NCOA2: variants seen among roughly 807,000 people sequenced by gnomAD.
The protein encoded by NCOA2 is class E basic helix-loop-helix protein 75.
NCOA2 carries 21 observed loss-of-function variants against 145.1 expected under a neutral mutation model. The observed-to-expected ratio is 0.14, with a 90% CI of 0.10 to 0.21. The LOEUF is 0.21. Among genes scored for constraint, NCOA2 ranks in the 10% least tolerant of loss-of-function variants. The pLI is 1.00. For synonymous variants in NCOA2, 619 were observed against 637.5 expected, an observed-to-expected ratio of 0.97 and a Z score of 0.44; for missense variants, 1,472 against 1,837.6, an observed-to-expected ratio of 0.80 and a Z score of 3.64.
Position 70,141,431 on chromosome 8 carries a change from C to T in NCOA2, c.2813-32G>A, listed in dbSNP as rs775462197. ...GCAAGCCAAAGAAAACTGAGAGATG[C>T]AGTAACTGAAAACATATTTAGCATG... On this transcript the variant is annotated intron_variant, in intron 13 of 22. Coordinates refer to ENST00000452400, the MANE Select transcript of NCOA2 (RefSeq NM_006540.4). 1.9e-6 allele frequency: 3 copies of T among 1,576,784 alleles called. No homozygotes were observed. The South Asian group carries it at 3.4e-5, about 18-fold the overall frequency.
the NCOA2 span, among the ~76,000 whole-genome samples, chr8:70,427,435 C>A: frequency 6.6e-6 from 1 of 152,074 alleles, no homozygotes; most frequent in African/African-American, 2.4e-5. Context: ...AAGTGTAACA[C>A]CTTTTCATTT....
the NCOA2 span, among the ~76,000 whole-genome samples, chr8:70,419,619 A>G: frequency 2.7e-5 from 4 of 150,912 alleles, no homozygotes; most frequent in African/African-American, 4.9e-5. Context: ...GTCTGTTTTA[A>G]TGTCCCTTTC....
At chr8:70,410,702 G>A in the NCOA2 span, among the ~76,000 whole-genome samples, 35 of 152,236 alleles carry the variant, frequency 2.3e-4, no homozygotes, top group Non-Finnish European at 3.8e-4. Context: ...TGGTATATTC[G>A]TACAATGGAA....
intron 2 of NCOA2, among the ~76,000 whole-genome samples, chr8:70,268,969 C>G (rs2135245987): frequency 6.6e-6 from 1 of 152,000 alleles, no homozygotes; most frequent in East Asian, 1.9e-4. Context: ...AGATTTTTCT[C>G]CCTCAAATTT....
chr8:70,313,945 C>T (rs1009709196), intron 1 of NCOA2, among the ~76,000 whole-genome samples: 8 of 151,748 alleles, frequency 5.3e-5, no homozygotes, highest in South Asian at 2.1e-4. Flanking sequence ...CTGAGGAGGG[C>T]GGATCATGAG....
At chr8:70,411,444 T>G in the NCOA2 span, among the ~76,000 whole-genome samples, 4 of 152,130 alleles carry the variant, frequency 2.6e-5, no homozygotes, top group African/African-American at 7.2e-5. Flanking sequence ...TATAGAAAAA[T>G]TAATTGTGTT....
intron 2 of NCOA2, among the ~76,000 whole-genome samples, chr8:70,250,209 T>C (rs1023849399): frequency 6.6e-6 from 1 of 151,198 alleles, no homozygotes; most frequent in Non-Finnish European, 1.5e-5. Flanking sequence ...CTGGGCAACA[T>C]GGTGAAACCC....
At chr8:70,184,861 C>T (rs1174035626) in intron 4 of NCOA2, among the ~76,000 whole-genome samples, 1 of 152,152 alleles carries the variant, frequency 6.6e-6, no homozygotes, top group Non-Finnish European at 1.5e-5. Flanking sequence ...TCTCTCAAGG[C>T]TTCGAAAGGA....
chr8:70,236,493 A>T (rs1349143842), intron 2 of NCOA2, among the ~76,000 whole-genome samples: 3 of 152,042 alleles, frequency 2.0e-5, no homozygotes, highest in African/African-American at 7.2e-5. Context: ...ATATGCAATA[A>T]GCCATATATC....
At chr8:70,216,828 C>T (rs1819669035) in intron 2 of NCOA2, 64 bp from the exon 3 acceptor site, 2 of 1,024,704 alleles carry the variant, frequency 2.0e-6, no homozygotes, top group Admixed American at 1.8e-5. Context: ...AGTGTCTGAT[C>T]ATTTTACCAA....
intron 15 of NCOA2, among the ~76,000 whole-genome samples, chr8:70,137,549 C>T (rs969534072): frequency 1.3e-5 from 2 of 152,176 alleles, no homozygotes; most frequent in African/African-American, 4.8e-5. Flanking sequence ...ATAAACGTAT[C>T]TAGAAATAGC....
chr8:70,320,950 A>G lies in NCOA2; in HGVS notation c.-76-24150T>C, dbSNP rs1806001513. Among the ~76,000 whole-genome samples the G allele has an allele frequency of 1.3e-5, 2 of 152,102 alleles. 1 individual carries two copies. Among genetic ancestry groups the G allele is most frequent in the South Asian group, 4.1e-4 (2 of 4,828 alleles). The stretch of plus-strand genomic sequence containing the variant: ...ATAACTTTCTGTATTTGCCTTTTGA[A>G]ATCCTTTTATTATCACACTGATTAA... On this transcript the variant is annotated intron_variant, in intron 1 of 22. Transcript: ENST00000452400.
chr8:70,189,818 A>G (rs1816482434), intron 4 of NCOA2, among the ~76,000 whole-genome samples: 1 of 151,962 alleles, frequency 6.6e-6, no homozygotes, highest in Non-Finnish European at 1.5e-5. Flanking sequence ...CAAAAGAAAA[A>G]TTAAATTTGA....
intron 1 of NCOA2, among the ~76,000 whole-genome samples, chr8:70,381,175 C>T (rs1342938897): frequency 6.6e-6 from 1 of 151,804 alleles, no homozygotes; most frequent in African/African-American, 2.4e-5. Flanking sequence ...GGTTCATGGG[C>T]GTTCATTACA....
At chr8:70,157,637 A>C (rs531865960) in intron 10 of NCOA2, among the ~76,000 whole-genome samples, 43 of 152,310 alleles carry the variant, frequency 2.8e-4, no homozygotes, top group Non-Finnish European at 5.7e-4. Flanking sequence ...TCCAGAGATT[A>C]TAATTCCTAA....
chr8:70,402,919 C>T (rs1055638465), intron 1 of NCOA2, among the ~76,000 whole-genome samples: 5 of 142,992 alleles, frequency 3.5e-5, no homozygotes, highest in Admixed American at 3.4e-4. Context: ...TCGGCCCCAG[C>T]GCGCCGCCCG....
chr8:70,314,551 A>G (rs1006097410), intron 1 of NCOA2, among the ~76,000 whole-genome samples: 2 of 152,204 alleles, frequency 1.3e-5, no homozygotes, highest in Non-Finnish European at 2.9e-5. Context: ...CACTCTGCAG[A>G]TTGTTAAACT....
At chr8:70,216,788 G>A (rs1230531442) in intron 2 of NCOA2, 24 bp from the exon 3 acceptor site, 17 of 1,450,432 alleles carry the variant, frequency 1.2e-5, no homozygotes, top group Admixed American at 1.0e-4. Context: ...CAGAGAAGAG[G>A]AAGAAAAAAA....
chr8:70,128,341 C>A (rs570949130), intron 18 of NCOA2, 92 bp downstream of exon 18: 7 of 1,071,012 alleles, frequency 6.5e-6, no homozygotes, highest in African/African-American at 6.3e-5. Context: ...TCTGGATCCA[C>A]GTCTACTAAG....
Sources: allele counts gnomAD v4.1 joint callset (sites outside exome capture counted in the v4.1 genomes callset), GRCh38; gene constraint gnomAD v4.1.1; transcripts MANE v1.5; gene names NCBI Gene and HGNC (gene_info 2026-07-23, HGNC 2026-07-21).